DIABLO: variants seen among roughly 807,000 people sequenced by gnomAD.
The protein encoded by DIABLO is diablo IAP-binding mitochondrial protein, also known as diablo homolog, mitochondrial.
A neutral mutation model predicts 31.7 loss-of-function variants in DIABLO; 32 were observed. The ratio of observed to expected loss-of-function variants is 1.01; its 90% CI spans 0.76 to 1.35. The LOEUF is 1.35. Ranked by LOEUF, DIABLO falls within the 40% of genes most tolerant of loss-of-function variation. The pLI is 0.00. For missense variants in DIABLO, 316 were observed against 286.4 expected (o/e 1.10, Z -0.75); for synonymous variants, 132 against 103.2 (o/e 1.28, Z -1.69).
chr12:122,225,872 G>A (rs906780177), intron 1 of DIABLO, 93 bp downstream of exon 1: 3 of 1,541,774 alleles, frequency 1.9e-6, no homozygotes, highest in East Asian at 2.5e-5. Flanking sequence ...AGATGAGCGC[G>A]TAAGGAAGGC....
chr12:122,208,279 G>T lies in DIABLO; in HGVS notation c.*102C>A. On this transcript the variant is annotated 3_prime_UTR_variant, in exon 6 of 6. Transcript: ENST00000464942. ...CTGATTGGCCAGGGCAGGATCTGCC[G>T]CCTCTTCTCGGTGCACAGACAGTCA... 1.4e-6 allele frequency: 2 copies of T among 1,406,440 alleles called. No individual in the cohort carries two copies. Among genetic ancestry groups the T allele is most frequent in the Non-Finnish European group, 2.0e-6 (2 of 1,007,798 alleles). The allele number at this position is 1,406,440 out of a possible 1,614,324, so 87.1% of individuals were successfully genotyped here.
At chr12:122,217,555 C>T (rs1471303698) in intron 3 of DIABLO, 3 of 154,672 alleles carry the variant, frequency 1.9e-5, no homozygotes, top group Non-Finnish European at 2.9e-5. Flanking sequence ...TGCTATGTCA[C>T]CCAGACGGAA....
At position 122,219,820 on chromosome 12, in the gene DIABLO, G is replaced by A. The variant is rs185500770; in HGVS notation, c.184-1423C>T. 1.3e-3 allele frequency among the ~76,000 whole-genome samples: 189 copies of A among 150,662 alleles called. 1 individual carries two copies. The highest frequency in any genetic ancestry group is 4.3e-3 in the African/African-American group (178 of 41,028). Reference sequence around the variant, plus strand: ...GGAGGTTGCAGTGAGAGCCAAGATCGTGCCACTTCACTCCAGCCTGGGCGA... The same window carrying A: ...GGAGGTTGCAGTGAGAGCCAAGATCATGCCACTTCACTCCAGCCTGGGCGA... On this transcript the variant is annotated intron_variant, in intron 2 of 5. Coordinates refer to ENST00000464942, the MANE Select transcript of DIABLO (RefSeq NM_001371333.1).
intron 5 of DIABLO, among the ~76,000 whole-genome samples, chr12:122,212,725 C>A (rs528877390): frequency 6.6e-6 from 1 of 151,448 alleles, no homozygotes; most frequent in Non-Finnish European, 1.5e-5. Flanking sequence ...CCCAGGTTCA[C>A]GCCATTCTCC....
At chr12:122,222,925 G>A (rs1954366494) in intron 2 of DIABLO, among the ~76,000 whole-genome samples, 1 of 152,044 alleles carries the variant, frequency 6.6e-6, no homozygotes, top group South Asian at 2.1e-4. Flanking sequence ...CCAGCCCAGG[G>A]GTTGGGGACC....
At chr12:122,220,532 G>T (rs1206826717) in intron 2 of DIABLO, 2 of 152,192 alleles carry the variant, frequency 1.3e-5, no homozygotes, top group East Asian at 3.9e-4. Flanking sequence ...GCGGGTACCT[G>T]TAATCCCAGC....
At position 122,208,347 on chromosome 12, in the gene DIABLO, C is replaced by A; in HGVS notation, c.*34G>T. 1 of 1,609,484 alleles carries A rather than the reference C, an allele frequency of 6.2e-7. No homozygotes were observed. Among genetic ancestry groups the A allele is most frequent in the Non-Finnish European group, 8.5e-7 (1 of 1,179,576 alleles). ...GTGGCATCTGCCCCTGCTTTCCCCA[C>A]TGAGTGGGGAGACAGGGCAGTGTGC... On this transcript the variant is annotated 3_prime_UTR_variant, in exon 6 of 6. Coordinates refer to ENST00000464942, the MANE Select transcript of DIABLO (RefSeq NM_001371333.1).
intron 2 of DIABLO, among the ~76,000 whole-genome samples, chr12:122,223,414 C>T (rs1954376615): frequency 6.8e-6 from 1 of 146,938 alleles, no homozygotes; most frequent in Non-Finnish European, 1.5e-5. Context: ...AGCCTGGCAA[C>T]AGAGTGAGAC....
At chr12:122,212,862 T>C (rs1284312318) in intron 5 of DIABLO, among the ~76,000 whole-genome samples, 1 of 152,106 alleles carries the variant, frequency 6.6e-6, no homozygotes, top group African/African-American at 2.4e-5. Flanking sequence ...CCTGACCACA[T>C]GATCCGCCCA....
rs759030059 is a variant in DIABLO at position 122,226,021 on chromosome 12, G to C, written c.-7C>G. 1 of 1,602,126 alleles carries C rather than the reference G, an allele frequency of 6.2e-7. No individual in the cohort carries two copies. On this transcript the variant is annotated 5_prime_UTR_variant, in exon 1 of 6. Coordinates refer to ENST00000464942, the MANE Select transcript of DIABLO (RefSeq NM_001371333.1). ...AACTCTTCAGAGCCGCCATTGTGCAGCGCGCGGACGCCAGACGCACACGCC... is the reference window on the plus strand; with the variant it reads ...AACTCTTCAGAGCCGCCATTGTGCACCGCGCGGACGCCAGACGCACACGCC...
At chr12:122,224,871 G>C (rs781506500) in intron 1 of DIABLO, 4 of 1,441,736 alleles carry the variant, frequency 2.8e-6, no homozygotes, top group Non-Finnish European at 3.7e-6. Context: ...GGAAGGCCAA[G>C]GGCAAGGCGG....
At chr12:122,211,947 A>T (rs1472207402) in intron 5 of DIABLO, among the ~76,000 whole-genome samples, 1 of 152,022 alleles carries the variant, frequency 6.6e-6, no homozygotes, top group African/African-American at 2.4e-5. Context: ...GTGTCATTTA[A>T]TAAGTTTATT....
upstream of DIABLO, chr12:122,226,132 G>A (rs1457080304): frequency 1.4e-6 from 2 of 1,443,894 alleles, no homozygotes; most frequent in East Asian, 2.5e-5. Flanking sequence ...CCCACCCAAG[G>A]AAGCAGTCGG....
chr12:122,216,922 G>C, intron 3 of DIABLO, 53 bp from the exon 4 acceptor site: 1 of 1,454,282 alleles, frequency 6.9e-7, no homozygotes, highest in Non-Finnish European at 9.6e-7. Context: ...CATATCAGAA[G>C]GAATAGAGAG....
chr12:122,207,696 A>T lies in DIABLO; in HGVS notation c.*685T>A. 1 of 579,496 alleles carries T rather than the reference A, an allele frequency of 1.7e-6. No homozygotes were observed. The highest frequency in any genetic ancestry group is 1.5e-5 in the South Asian group (1 of 65,544). The allele number at this position is 579,496 out of a possible 1,614,324, so 35.9% of individuals were successfully genotyped here. ...AGGAGAGACGCATTTTCTCTTTCAGATGCAAACAAAATCTTACACTCTTCT... is the reference window on the plus strand; with the variant it reads ...AGGAGAGACGCATTTTCTCTTTCAGTTGCAAACAAAATCTTACACTCTTCT... On this transcript the variant is annotated 3_prime_UTR_variant, in exon 6 of 6. Transcript: ENST00000464942.
At chr12:122,209,681 A>G in intron 5 of DIABLO, 1 of 674,214 alleles carries the variant, frequency 1.5e-6, no homozygotes, top group Non-Finnish European at 2.7e-6. Context: ...AAAAAAAATG[A>G]GCTCTCTCAT....
At position 122,216,751 on chromosome 12, in the gene DIABLO, CT is replaced by C; in HGVS notation, c.426+7del. The C allele has an allele frequency of 6.2e-7, 1 of 1,613,308 alleles. No individual in the cohort carries two copies. The highest frequency in any genetic ancestry group is 1.1e-5 in the South Asian group (1 of 91,064). ...CTAACACAGAAATGCCTAGAACTTTCTGCTTACCTCAGCTCTGGCTCCTATG... is the reference window on the plus strand; with the variant it reads ...CTAACACAGAAATGCCTAGAACTTTCGCTTACCTCAGCTCTGGCTCCTATG... On this transcript the variant is annotated splice_region_variant and intron_variant, in intron 4 of 5. Transcript: ENST00000464942.
intron 1 of DIABLO, chr12:122,225,512 C>G: frequency 9.5e-7 from 1 of 1,057,236 alleles, no homozygotes; most frequent in Non-Finnish European, 1.1e-6. Flanking sequence ...GTGTGACGGT[C>G]CCGCTACAAT....
intron 5 of DIABLO, among the ~76,000 whole-genome samples, chr12:122,210,234 T>C (rs193166133): frequency 1.3e-5 from 2 of 152,280 alleles, no homozygotes; most frequent in Admixed American, 6.5e-5. Flanking sequence ...AGGCTTGTCA[T>C]TACTTTCTTT....
Sources: gnomAD v4.1 joint callset for allele counts (sites outside exome capture counted in the v4.1 genomes callset) on GRCh38, gnomAD v4.1.1 for gene constraint, MANE v1.5 for transcripts, NCBI Gene and HGNC (gene_info 2026-07-23, HGNC 2026-07-21) for gene names.